Variants in ATRNL1 observed in about 807,000 individuals in gnomAD.
The protein encoded by ATRNL1 is attractin-like protein 1.
In ATRNL1, 95 loss-of-function variants were observed where a neutral mutation model predicts 182.7. That is an observed-to-expected ratio of 0.52 (90% CI 0.44 to 0.62). The LOEUF (loss-of-function observed/expected upper bound fraction) is 0.62, where lower values mean the gene tolerates loss of function less well. ATRNL1 is among the 20% of genes least tolerant of loss of function. The pLI is 0.00. For missense variants in ATRNL1, 1,471 were observed against 1,679.5 expected, an observed-to-expected ratio of 0.88 and a Z score of 2.17; for synonymous variants, 576 against 568.3, an observed-to-expected ratio of 1.01 and a Z score of -0.19.
chr10:115,948,752 G>A lies in ATRNL1; in HGVS notation c.*3973G>A, dbSNP rs1317099280. ...AAGGAATACAAGCCATCTGGTTGGTGTTAGTTATAGCAGTGATTTCATTAG... is the reference window on the plus strand; with the variant it reads ...AAGGAATACAAGCCATCTGGTTGGTATTAGTTATAGCAGTGATTTCATTAG... On this transcript the variant is annotated 3_prime_UTR_variant, in exon 29 of 29. Coordinates refer to ENST00000355044, the MANE Select transcript of ATRNL1 (RefSeq NM_207303.4). 1 of 152,198 alleles carries A rather than the reference G, an allele frequency of 6.6e-6. No homozygotes were observed. The highest frequency in any genetic ancestry group is 6.5e-5 in the Admixed American group (1 of 15,282). 9.4% of individuals were successfully genotyped at this position (152,198 alleles called of 1,614,324 possible). A position where few individuals can be genotyped will look rare whatever the true frequency, so the allele number is the denominator to read the frequency against.
At chr10:115,212,013 GTTTATT>G (rs1849045698) in intron 8 of ATRNL1, among the ~76,000 whole-genome samples, 1 of 151,158 alleles carries the variant, frequency 6.6e-6, no homozygotes, top group African/African-American at 2.4e-5. Flanking sequence ...TTAATTTTTT[GTTTATT>G]TTTATAATTT....
At chr10:115,510,145 A>G (rs1381576188) in intron 24 of ATRNL1, among the ~76,000 whole-genome samples, 1 of 152,064 alleles carries the variant, frequency 6.6e-6, no homozygotes, top group Non-Finnish European at 1.5e-5. Context: ...GTTTTTATGG[A>G]TGAGTAAATA....
intron 1 of ATRNL1, among the ~76,000 whole-genome samples, chr10:115,101,013 C>T (rs1288670771): frequency 1.3e-5 from 2 of 152,034 alleles, no homozygotes; most frequent in Non-Finnish European, 2.9e-5. Flanking sequence ...TAAACTTTCA[C>T]TTTTGATTGT....
At chr10:115,333,850 A>G (rs1855352040) in intron 18 of ATRNL1, among the ~76,000 whole-genome samples, 1 of 152,164 alleles carries the variant, frequency 6.6e-6, no homozygotes, top group Non-Finnish European at 1.5e-5. Context: ...ATCTATTGCC[A>G]CACTATTTTC....
chr10:115,519,339 T>C lies in ATRNL1; in HGVS notation c.3716+15T>C. 6.2e-7 allele frequency: 1 copy of C among 1,605,122 alleles called. No individual in the cohort carries two copies. The highest frequency in any genetic ancestry group is 8.5e-7 in the Non-Finnish European group (1 of 1,173,360). On this transcript the variant is annotated intron_variant, in intron 25 of 28. Transcript: ENST00000355044. The stretch of plus-strand genomic sequence containing the variant: ...ACCTTCTTCAGGTAAAAGTTTGCTT[T>C]GACTGACTTTGAACTTTTCAAGCCT...
intron 26 of ATRNL1, among the ~76,000 whole-genome samples, chr10:115,624,411 T>G (rs1240721026): frequency 1.3e-5 from 2 of 152,198 alleles, no homozygotes; most frequent in South Asian, 2.1e-4. Context: ...ACATATATGT[T>G]ATATAGTTGT....
intron 26 of ATRNL1, among the ~76,000 whole-genome samples, chr10:115,702,250 T>C (rs1475861340): frequency 1.3e-5 from 2 of 151,714 alleles, no homozygotes; most frequent in East Asian, 3.9e-4. Context: ...AAAAAACTAG[T>C]CATCAAAGGA....
intron 27 of ATRNL1, among the ~76,000 whole-genome samples, chr10:115,773,540 T>C (rs1555076993): frequency 2.0e-5 from 3 of 152,206 alleles, no homozygotes; most frequent in East Asian, 3.8e-4. Flanking sequence ...ATGGATCTTA[T>C]TCAGGTATGG....
intron 26 of ATRNL1, among the ~76,000 whole-genome samples, chr10:115,701,665 G>A (rs1282920873): frequency 6.6e-6 from 1 of 151,930 alleles, no homozygotes; most frequent in Non-Finnish European, 1.5e-5. Flanking sequence ...AGAATATTAT[G>A]AGCACTTCTG....
At chr10:115,323,437 C>T (rs574794408) in intron 18 of ATRNL1, among the ~76,000 whole-genome samples, 87 of 62,708 alleles carry the variant, frequency 1.4e-3, no homozygotes, top group Non-Finnish European at 2.1e-3. Context: ...CCCCTCCCCT[C>T]CCCTTCCCTT....
chr10:115,532,195 A>C (rs1851635977), intron 25 of ATRNL1, among the ~76,000 whole-genome samples: 1 of 152,148 alleles, frequency 6.6e-6, no homozygotes, highest in African/African-American at 2.4e-5. Context: ...TGGGGATGTC[A>C]TTGAATCTAT....
intron 25 of ATRNL1, among the ~76,000 whole-genome samples, chr10:115,523,807 C>T (rs542265034): frequency 6.6e-6 from 1 of 152,312 alleles, no homozygotes; most frequent in South Asian, 2.1e-4. Context: ...TATGAGCACT[C>T]CAGTTCTAAA....
chr10:115,288,383 C>T (rs564581154), intron 15 of ATRNL1, among the ~76,000 whole-genome samples: 1 of 152,190 alleles, frequency 6.6e-6, no homozygotes, highest in Admixed American at 6.5e-5. Context: ...GCATCCTCAC[C>T]AGTATTTTTT....
intron 26 of ATRNL1, among the ~76,000 whole-genome samples, chr10:115,643,543 A>G (rs959455148): frequency 6.6e-6 from 1 of 152,162 alleles, no homozygotes; most frequent in Non-Finnish European, 1.5e-5. Context: ...TAGAGCACAT[A>G]TCTGACAAAG....
At chr10:115,519,451 T>C in intron 25 of ATRNL1, 127 bp downstream of exon 25, 1 of 733,614 alleles carries the variant, frequency 1.4e-6, no homozygotes. Context: ...TTGAATAGCT[T>C]TATATGCTTA....
intron 25 of ATRNL1, among the ~76,000 whole-genome samples, chr10:115,543,185 A>C (rs1168350035): frequency 6.6e-6 from 1 of 152,032 alleles, no homozygotes; most frequent in Non-Finnish European, 1.5e-5. Context: ...AGGTACAGTA[A>C]CTCTTGCTTA....
chr10:115,226,223 T>C (rs192582976), intron 9 of ATRNL1, among the ~76,000 whole-genome samples: 1 of 152,112 alleles, frequency 6.6e-6, no homozygotes, highest in Admixed American at 6.5e-5. Context: ...AAATGAATAT[T>C]AAGCCCTACC....
At chr10:115,719,758 T>C (rs1390241879) in intron 26 of ATRNL1, among the ~76,000 whole-genome samples, 6 of 152,070 alleles carry the variant, frequency 3.9e-5, no homozygotes, top group South Asian at 4.1e-4. Context: ...GATACAAAGC[T>C]TAACTGATTT....
At chr10:115,368,952 G>C (rs1330727249) in intron 19 of ATRNL1, among the ~76,000 whole-genome samples, 4 of 151,984 alleles carry the variant, frequency 2.6e-5, no homozygotes, top group African/African-American at 4.8e-5. Flanking sequence ...GACCTCAGGT[G>C]ATCTGCCTGC....
Sources: allele counts gnomAD v4.1 joint callset (sites outside exome capture counted in the v4.1 genomes callset), GRCh38; gene constraint gnomAD v4.1.1; transcripts MANE v1.5; gene names NCBI Gene and HGNC (gene_info 2026-07-23, HGNC 2026-07-21).